Variants in FARS2 observed in about 807,000 individuals in gnomAD.
FARS2 encodes phenylalanine--tRNA ligase, mitochondrial.
A neutral mutation model predicts 46.4 loss-of-function variants in FARS2; 40 were observed. That is an observed-to-expected ratio of 0.86 (90% confidence interval 0.67 to 1.12). The LOEUF is 1.12. FARS2 is among the 50% of genes most tolerant of loss of function. The pLI is 0.00. For missense variants in FARS2, 513 were observed against 567.9 expected (o/e 0.90, Z 0.98); for synonymous variants, 234 against 214.9 (o/e 1.09, Z -0.78).
At chr6:5,431,245 C>T in intron 4 of FARS2, 73 bp downstream of exon 4, 1 of 1,472,576 alleles carries the variant, frequency 6.8e-7, no homozygotes, top group Non-Finnish European at 9.4e-7. Context: ...CCCCGTTGCA[C>T]ACTTGTAGAT....
intron 4 of FARS2, among the ~76,000 whole-genome samples, chr6:5,527,597 G>C (rs9378959): frequency 0.63 from 95,601 of 152,090 alleles, 30,950 homozygotes; most frequent in African/African-American, 0.75. Flanking sequence ...TATGAAGAAT[G>C]CACATTAAGT....
intron 4 of FARS2, among the ~76,000 whole-genome samples, chr6:5,508,297 G>A (rs896640187): frequency 5.9e-5 from 9 of 152,362 alleles, no homozygotes; most frequent in Middle Eastern, 3.4e-3. Flanking sequence ...CCACATCTCC[G>A]AGGGGATCAT....
chr6:5,298,950 C>T (rs1323982534), intron 1 of FARS2, among the ~76,000 whole-genome samples: 1 of 150,780 alleles, frequency 6.6e-6, no homozygotes, highest in Admixed American at 6.6e-5. Context: ...ATTTATTCCT[C>T]ACATATGAAG....
chr6:5,356,538 A>G (rs1040677525), intron 1 of FARS2, among the ~76,000 whole-genome samples: 2 of 152,136 alleles, frequency 1.3e-5, no homozygotes, highest in Non-Finnish European at 2.9e-5. Flanking sequence ...CTCTAAGTGC[A>G]AGAAGGCTGT....
intron 6 of FARS2, among the ~76,000 whole-genome samples, chr6:5,667,288 G>A (rs1298642190): frequency 1.3e-5 from 2 of 152,180 alleles, no homozygotes; most frequent in Admixed American, 6.5e-5. Flanking sequence ...GGGGGGCCAA[G>A]GTGGGCAGAT....
chr6:5,694,281 G>T (rs1357446774), intron 6 of FARS2, among the ~76,000 whole-genome samples: 1 of 152,202 alleles, frequency 6.6e-6, no homozygotes, highest in East Asian at 1.9e-4. Context: ...TTAACAACAG[G>T]TAGCCAACAG....
intron 3 of FARS2, among the ~76,000 whole-genome samples, chr6:5,417,548 A>T (rs762072707): frequency 6.6e-6 from 1 of 152,080 alleles, no homozygotes; most frequent in Non-Finnish European, 1.5e-5. Flanking sequence ...TTTAGAGGTG[A>T]TATTCCTAGA....
At chr6:5,667,370 T>C (rs1778191242) in intron 6 of FARS2, among the ~76,000 whole-genome samples, 1 of 151,778 alleles carries the variant, frequency 6.6e-6, no homozygotes, top group Non-Finnish European at 1.5e-5. Flanking sequence ...ATACGAAAAT[T>C]AGCCTGGTGT....
At chr6:5,341,570 G>A (rs1771657332) in intron 1 of FARS2, among the ~76,000 whole-genome samples, 3 of 151,612 alleles carry the variant, frequency 2.0e-5, no homozygotes, top group Admixed American at 2.0e-4. Flanking sequence ...CCAGGCTGGA[G>A]TGCAGTGGCG....
intron 2 of FARS2, among the ~76,000 whole-genome samples, chr6:5,369,921 T>A (rs1390685254): frequency 6.6e-6 from 1 of 151,986 alleles, no homozygotes; most frequent in Non-Finnish European, 1.5e-5. Context: ...AAAAGCTTGA[T>A]TCCATTTCCT....
intron 1 of FARS2, among the ~76,000 whole-genome samples, chr6:5,295,097 G>A (rs1253950425): frequency 3.9e-5 from 6 of 152,152 alleles, no homozygotes; most frequent in Non-Finnish European, 8.8e-5. Flanking sequence ...ACCACAGATC[G>A]GGGGTGTGTC....
chr6:5,670,317 C>G (rs973674869), intron 6 of FARS2, among the ~76,000 whole-genome samples: 4 of 152,206 alleles, frequency 2.6e-5, no homozygotes, highest in African/African-American at 9.6e-5. Flanking sequence ...AGTACACCCC[C>G]TGATCATTGT....
At chr6:5,487,674 C>A (rs1405098910) in intron 4 of FARS2, among the ~76,000 whole-genome samples, 1 of 152,198 alleles carries the variant, frequency 6.6e-6, no homozygotes, top group Non-Finnish European at 1.5e-5. Flanking sequence ...CATGGGTTCT[C>A]TTTTTGTCTC....
At chr6:5,688,930 G>T (rs1236171882) in intron 6 of FARS2, among the ~76,000 whole-genome samples, 1 of 152,194 alleles carries the variant, frequency 6.6e-6, no homozygotes, top group African/African-American at 2.4e-5. Context: ...TTAGTCTTGG[G>T]AGGGTGTATG....
intron 3 of FARS2, among the ~76,000 whole-genome samples, chr6:5,423,899 G>A (rs1266542063): frequency 6.6e-6 from 1 of 152,192 alleles, no homozygotes; most frequent in African/African-American, 2.4e-5. Context: ...TGTGAGGTGG[G>A]CTTTGGAAAC....
chr6:5,623,793 T>C (rs1322895092), intron 6 of FARS2, among the ~76,000 whole-genome samples: 1 of 152,160 alleles, frequency 6.6e-6, no homozygotes, highest in African/African-American at 2.4e-5. Context: ...AGTCTGGGTG[T>C]TCTCTGGGTC....
At chr6:5,650,538 A>T (rs9504473) in intron 6 of FARS2, among the ~76,000 whole-genome samples, 10,144 of 152,106 alleles carry the variant, frequency 0.067, 930 homozygotes, top group African/African-American at 0.21. Flanking sequence ...TGGAGTGCAG[A>T]GGTGCGATCT....
At chr6:5,347,543 T>A (rs989539057) in intron 1 of FARS2, among the ~76,000 whole-genome samples, 1 of 152,162 alleles carries the variant, frequency 6.6e-6, no homozygotes, top group African/African-American at 2.4e-5. Flanking sequence ...ATTTTATGAA[T>A]ATACCACTGT....
At chr6:5,263,415 A>G (rs1484832645) in intron 1 of FARS2, among the ~76,000 whole-genome samples, 5 of 152,238 alleles carry the variant, frequency 3.3e-5, no homozygotes, top group Non-Finnish European at 7.3e-5. Context: ...TATTTTATTT[A>G]AAATGGTTTA....
Sources: allele counts gnomAD v4.1 joint callset (sites outside exome capture counted in the v4.1 genomes callset), GRCh38; gene constraint gnomAD v4.1.1; transcripts MANE v1.5; gene names NCBI Gene and HGNC (gene_info 2026-07-23, HGNC 2026-07-21).